Variants in PRKG1 observed in about 807,000 individuals in gnomAD.
PRKG1 encodes cGMP-dependent protein kinase 1.
In PRKG1, 35 loss-of-function variants were observed where a neutral mutation model predicts 88.1. The ratio of observed to expected loss-of-function variants is 0.40; its 90% CI spans 0.30 to 0.53. The LOEUF (loss-of-function observed/expected upper bound fraction) is 0.53, where lower values mean the gene tolerates loss of function less well. Among genes scored for constraint, PRKG1 ranks in the 20% least tolerant of loss-of-function variants. PRKG1 has a pLI of 0.59. For missense variants in PRKG1, 540 were observed against 839.8 expected, an observed-to-expected ratio of 0.64 and a Z score of 4.41; for synonymous variants, 303 against 292.5, an observed-to-expected ratio of 1.04 and a Z score of -0.37.
intron 5 of PRKG1, among the ~76,000 whole-genome samples, chr10:51,990,804 G>T (rs954878489): frequency 4.6e-5 from 7 of 151,978 alleles, no homozygotes; most frequent in African/African-American, 1.7e-4. Context: ...CCACTTATAA[G>T]TGAGAACATA....
chr10:51,166,512 T>C (rs182243912), intron 2 of PRKG1, among the ~76,000 whole-genome samples: 25 of 152,268 alleles, frequency 1.6e-4, no homozygotes, highest in Admixed American at 1.4e-3. Flanking sequence ...AAATTAAAAA[T>C]GAGTCTTTAA....
At position 51,551,272 on chromosome 10, in the gene PRKG1, G is replaced by C. The variant is rs564826597; in HGVS notation, c.592+83436G>C. Among the ~76,000 whole-genome samples the C allele has an allele frequency of 2.0e-5, 3 of 151,750 alleles. No individual in the cohort carries two copies. The East Asian group carries it at 5.8e-4, about 29-fold the overall frequency. ...TCTGATCGATGCACAAGGATCCTTTGTTAAGGAATTCAAAGTTTTTCTCTG... is the reference window on the plus strand; with the variant it reads ...TCTGATCGATGCACAAGGATCCTTTCTTAAGGAATTCAAAGTTTTTCTCTG... On this transcript the variant is annotated intron_variant, in intron 3 of 17. Transcript: ENST00000373980.
chr10:51,489,111 G>C (rs1840631549), intron 3 of PRKG1, among the ~76,000 whole-genome samples: 1 of 152,108 alleles, frequency 6.6e-6, no homozygotes, highest in Non-Finnish European at 1.5e-5. Flanking sequence ...CATTTTGCTA[G>C]GCATTGAATA....
chr10:51,838,845 G>A (rs373453964), intron 4 of PRKG1, among the ~76,000 whole-genome samples: 1 of 152,260 alleles, frequency 6.6e-6, no homozygotes, highest in African/African-American at 2.4e-5. Context: ...AGTTCGTTCT[G>A]AGGCAAATAA....
At chr10:51,704,368 G>T (rs997464492) in intron 3 of PRKG1, among the ~76,000 whole-genome samples, 2 of 152,068 alleles carry the variant, frequency 1.3e-5, no homozygotes, top group African/African-American at 4.8e-5. Context: ...GACAGGAAAT[G>T]ACTTTAAAGT....
At chr10:51,438,156 C>G (rs1277234183) in intron 2 of PRKG1, among the ~76,000 whole-genome samples, 1 of 151,144 alleles carries the variant, frequency 6.6e-6, no homozygotes, top group Non-Finnish European at 1.5e-5. Context: ...GCAAATAATA[C>G]TGTTTTCTTA....
intron 3 of PRKG1, among the ~76,000 whole-genome samples, chr10:51,707,971 C>T (rs576732982): frequency 2.6e-5 from 4 of 152,132 alleles, no homozygotes; most frequent in East Asian, 1.9e-4. Context: ...TTATGGTACA[C>T]GTACAGAAAC....
intron 5 of PRKG1, among the ~76,000 whole-genome samples, chr10:51,920,792 C>CT (rs988670181): frequency 1.3e-5 from 2 of 151,976 alleles, no homozygotes; most frequent in East Asian, 1.9e-4. Context: ...TTAAACATAA[C>CT]TTTTTTTTCT....
At chr10:52,058,325 C>G (rs1846157720) in intron 6 of PRKG1, among the ~76,000 whole-genome samples, 1 of 152,038 alleles carries the variant, frequency 6.6e-6, no homozygotes, top group Admixed American at 6.6e-5. Flanking sequence ...ATTGAAAAAG[C>G]CATATCATTC....
chr10:51,643,495 A>G (rs1357969603), intron 3 of PRKG1, among the ~76,000 whole-genome samples: 1 of 152,180 alleles, frequency 6.6e-6, no homozygotes, highest in Non-Finnish European at 1.5e-5. Context: ...CATATTTAAT[A>G]AAGCTCTTAT....
intron 5 of PRKG1, among the ~76,000 whole-genome samples, chr10:51,987,834 T>A (rs192177231): frequency 3.9e-5 from 6 of 152,170 alleles, no homozygotes; most frequent in African/African-American, 1.2e-4. Context: ...AAGGGACAAG[T>A]ATAGGTTCAA....
At chr10:51,718,684 A>G (rs1434012745) in intron 3 of PRKG1, among the ~76,000 whole-genome samples, 1 of 152,226 alleles carries the variant, frequency 6.6e-6, no homozygotes, top group Non-Finnish European at 1.5e-5. Context: ...CTAGGCAAAC[A>G]TCATATGTTC....
At chr10:51,025,531 A>C (rs892750632) in intron 1 of PRKG1, among the ~76,000 whole-genome samples, 1 of 152,140 alleles carries the variant, frequency 6.6e-6, no homozygotes, top group African/African-American at 2.4e-5. Context: ...TCATGCAGGC[A>C]CATTTCTCCT....
intron 2 of PRKG1, among the ~76,000 whole-genome samples, chr10:51,335,033 T>C (rs944555965): frequency 1.7e-5 from 2 of 118,200 alleles, no homozygotes; most frequent in Admixed American, 1.1e-4. Context: ...TGAGACGGAG[T>C]CTTGCTCTGT....
intron 2 of PRKG1, among the ~76,000 whole-genome samples, chr10:51,403,423 A>G (rs901584437): frequency 1.3e-5 from 2 of 152,202 alleles, no homozygotes; most frequent in African/African-American, 4.8e-5. Context: ...GAACTAAGAT[A>G]TCTCCTAAGA....
At chr10:51,252,180 A>G (rs1276681348) in intron 2 of PRKG1, among the ~76,000 whole-genome samples, 1 of 151,790 alleles carries the variant, frequency 6.6e-6, no homozygotes, top group Non-Finnish European at 1.5e-5. Flanking sequence ...AAACAAAAAC[A>G]AAAAACAAAG....
At chr10:51,193,400 CA>C (rs1432291785) in intron 2 of PRKG1, among the ~76,000 whole-genome samples, 1 of 151,892 alleles carries the variant, frequency 6.6e-6, no homozygotes, top group Non-Finnish European at 1.5e-5. Flanking sequence ...CATTGTATCA[CA>C]AGGTGGATTG....
rs1841280972 is a variant in PRKG1 at position 51,695,976 on chromosome 10, T to C, written c.593-108609T>C. ...ACTTGTTTTATGATACCAACATTTATGTTCACATCCTCAAGGCTTTATTTT... is the reference window on the plus strand; with the variant it reads ...ACTTGTTTTATGATACCAACATTTACGTTCACATCCTCAAGGCTTTATTTT... On this transcript the variant is annotated intron_variant, in intron 3 of 17. Transcript: ENST00000373980. 4.6e-5 allele frequency: 7 copies of C among 152,354 alleles called. No individual in the cohort carries two copies. The South Asian group carries it at 1.4e-3, about 32-fold the overall frequency. 9.4% of individuals were successfully genotyped at this position (152,354 alleles called of 1,614,324 possible). A position where few individuals can be genotyped will look rare whatever the true frequency, so the allele number is the denominator to read the frequency against.
At chr10:51,695,439 C>T (rs905503050) in intron 3 of PRKG1, 4 of 152,088 alleles carry the variant, frequency 2.6e-5, no homozygotes, top group Non-Finnish European at 4.4e-5. Context: ...GAATGGAAGA[C>T]TTTTGTATAA....
Sources: gnomAD v4.1 joint callset for allele counts (sites outside exome capture counted in the v4.1 genomes callset) on GRCh38, gnomAD v4.1.1 for gene constraint, MANE v1.5 for transcripts, NCBI Gene and HGNC (gene_info 2026-07-23, HGNC 2026-07-21) for gene names.